LINGO1: variants seen among roughly 807,000 people sequenced by gnomAD.
LINGO1 encodes the protein leucine rich repeat and Ig domain containing 1.
Under a neutral mutation model 37.3 loss-of-function variants are expected in LINGO1, and 11 were observed. The observed-to-expected ratio is 0.29, with a 90% CI of 0.19 to 0.49. The LOEUF (loss-of-function observed/expected upper bound fraction) is 0.49, where lower values mean the gene tolerates loss of function less well. LINGO1 is among the 20% of genes least tolerant of loss of function. The pLI is 0.99. For missense variants in LINGO1, 585 were observed against 878.2 expected (o/e 0.67, Z 4.22); for synonymous variants, 387 against 403.0 (o/e 0.96, Z 0.48).
chr15:77,680,199 G>A (rs531372637), intron 2 of LINGO1, among the ~76,000 whole-genome samples: 1 of 152,318 alleles, frequency 6.6e-6, no homozygotes, highest in African/African-American at 2.4e-5. Flanking sequence ...TGGCAGCCTA[G>A]GTCCCTGAGT....
chr15:77,640,012 A>G (rs867316721), intron 3 of LINGO1, among the ~76,000 whole-genome samples: 1 of 152,146 alleles, frequency 6.6e-6, no homozygotes. Flanking sequence ...TTCTATTACT[A>G]TCTCATCTTA....
chr15:77,800,728 G>A (rs1014532331), intron 1 of LINGO1, among the ~76,000 whole-genome samples: 1 of 152,146 alleles, frequency 6.6e-6, no homozygotes, highest in Non-Finnish European at 1.5e-5. Context: ...ACATAAACGT[G>A]TAAAACATCC....
intron 1 of LINGO1, among the ~76,000 whole-genome samples, chr15:77,756,509 C>T (rs1432284085): frequency 1.3e-5 from 2 of 152,066 alleles, no homozygotes; most frequent in Middle Eastern, 3.4e-3. Context: ...CACACACACA[C>T]ACACACACAC....
At chr15:77,775,040 C>A (rs1292488375) in intron 1 of LINGO1, among the ~76,000 whole-genome samples, 2 of 152,216 alleles carry the variant, frequency 1.3e-5, no homozygotes, top group Non-Finnish European at 2.9e-5. Flanking sequence ...AGAGGCGATG[C>A]ATGTTGAGGG....
At chr15:77,776,542 G>GAGGT (rs1555541399) in intron 1 of LINGO1, among the ~76,000 whole-genome samples, 391 of 36,780 alleles carry the variant, frequency 0.011, 29 homozygotes, top group Non-Finnish European at 0.015. Context: ...GGGAGGGAGG[G>GAGGT]AGGGAGGGAG....
At chr15:77,783,386 G>A (rs571448026) in intron 1 of LINGO1, among the ~76,000 whole-genome samples, 3 of 152,248 alleles carry the variant, frequency 2.0e-5, no homozygotes, top group East Asian at 1.9e-4. Flanking sequence ...CAAGCCAGAC[G>A]GGAGAGGTGA....
At chr15:77,777,684 T>A (rs1211351121) in intron 1 of LINGO1, among the ~76,000 whole-genome samples, 1 of 152,164 alleles carries the variant, frequency 6.6e-6, no homozygotes, top group Non-Finnish European at 1.5e-5. Context: ...CCTAGCACTT[T>A]GGGAGCCCGC....
chr15:77,735,378 C>A (rs1232062205), intron 1 of LINGO1, among the ~76,000 whole-genome samples: 2 of 152,234 alleles, frequency 1.3e-5, no homozygotes, highest in Non-Finnish European at 2.9e-5. Flanking sequence ...AACCTGTGTG[C>A]AGCGGAAGCC....
intron 2 of LINGO1, among the ~76,000 whole-genome samples, chr15:77,706,443 T>A (rs1448170895): frequency 6.6e-6 from 1 of 152,120 alleles, no homozygotes; most frequent in East Asian, 1.9e-4. Flanking sequence ...TTCCTCTTTC[T>A]CTTAGACCAA....
chr15:77,646,898 T>C (rs1286399080), intron 3 of LINGO1, among the ~76,000 whole-genome samples: 1 of 152,174 alleles, frequency 6.6e-6, no homozygotes, highest in Non-Finnish European at 1.5e-5. Context: ...AATCTAGGCA[T>C]TTACTCATTT....
At chr15:77,806,366 A>G (rs2076959573) in intron 1 of LINGO1, among the ~76,000 whole-genome samples, 1 of 152,192 alleles carries the variant, frequency 6.6e-6, no homozygotes, top group South Asian at 2.1e-4. Context: ...AGGAAGAAGC[A>G]CAGGGCTCAG....
chr15:77,691,948 G>T (rs2075611866), intron 1 of LINGO1, among the ~76,000 whole-genome samples: 1 of 152,208 alleles, frequency 6.6e-6, no homozygotes, highest in South Asian at 2.1e-4. Flanking sequence ...CCAGATTACA[G>T]ATCCATTTTA....
At chr15:77,633,757 C>A (rs2074337077), upstream of LINGO1, among the ~76,000 whole-genome samples, 1 of 152,200 alleles carries the variant, frequency 6.6e-6, no homozygotes, top group African/African-American at 2.4e-5. Context: ...GCCACAACTT[C>A]AGACGGGCCC....
chr15:77,677,662 C>A (rs1213412122), intron 2 of LINGO1, among the ~76,000 whole-genome samples: 4 of 152,112 alleles, frequency 2.6e-5, no homozygotes, highest in African/African-American at 9.7e-5. Flanking sequence ...CCATCAGCAC[C>A]CCCAGCTCTC....
chr15:77,735,583 C>A (rs1460845340), intron 1 of LINGO1, among the ~76,000 whole-genome samples: 2 of 152,260 alleles, frequency 1.3e-5, no homozygotes, highest in Non-Finnish European at 2.9e-5. Flanking sequence ...GGGACCCTAA[C>A]TGTGCCTCCC....
At chr15:77,686,056 G>A (rs569261022) in intron 2 of LINGO1, among the ~76,000 whole-genome samples, 36 of 152,160 alleles carry the variant, frequency 2.4e-4, no homozygotes, top group Non-Finnish European at 4.1e-4. Flanking sequence ...TGGCAGGAGG[G>A]CAATGGGTGT....
chr15:77,819,626 C>T (rs1436218398), intron 1 of LINGO1: 1 of 151,440 alleles, frequency 6.6e-6, no homozygotes, highest in Non-Finnish European at 1.5e-5. Context: ...ACTCCCGACT[C>T]GCCCTCCTGG....
chr15:77,643,482 C>CA (rs1423569205), intron 3 of LINGO1, among the ~76,000 whole-genome samples: 1 of 152,198 alleles, frequency 6.6e-6, no homozygotes, highest in East Asian at 1.9e-4. Flanking sequence ...GCCCATGGGG[C>CA]ATCGGGGTTG....
chr15:77,766,862 T>C (rs1458374248), intron 1 of LINGO1, among the ~76,000 whole-genome samples: 1 of 151,986 alleles, frequency 6.6e-6, no homozygotes, highest in African/African-American at 2.4e-5. Flanking sequence ...AGCTTTGAAA[T>C]GTAATATTGA....
Sources: allele counts gnomAD v4.1 joint callset (sites outside exome capture counted in the v4.1 genomes callset), GRCh38; gene constraint gnomAD v4.1.1; transcripts MANE v1.5; gene names NCBI Gene and HGNC (gene_info 2026-07-23, HGNC 2026-07-21).